Variants in EHBP1 observed in about 807,000 individuals in gnomAD.
EHBP1 encodes EH domain binding protein 1.
A neutral mutation model predicts 144.0 loss-of-function variants in EHBP1; 55 were observed. The observed-to-expected ratio is 0.38, with a 90% CI of 0.31 to 0.48. EHBP1 has a LOEUF of 0.48. Among genes scored for constraint, EHBP1 ranks in the 20% least tolerant of loss-of-function variants. The pLI, the probability that EHBP1 is intolerant of heterozygous loss-of-function variation, is 0.98. For synonymous variants in EHBP1, 469 were observed against 472.7 expected (o/e 0.99, Z 0.10); for missense variants, 1,200 against 1,364.2 (o/e 0.88, Z 1.90).
intron 14 of EHBP1, among the ~76,000 whole-genome samples, chr2:62,978,622 A>G (rs2058822727): frequency 6.6e-6 from 1 of 152,164 alleles, no homozygotes; most frequent in Non-Finnish European, 1.5e-5. Flanking sequence ...GGAGTTACCA[A>G]AAAGAATTTC....
At chr2:62,940,196 G>T in intron 10 of EHBP1, 1 of 341,398 alleles carries the variant, frequency 2.9e-6, no homozygotes, top group South Asian at 3.0e-5. Flanking sequence ...GCAGTTTATT[G>T]ACTTGCACAG....
chr2:62,725,106 C>G (rs2036626200), intron 2 of EHBP1, among the ~76,000 whole-genome samples: 1 of 152,284 alleles, frequency 6.6e-6, no homozygotes, highest in African/African-American at 2.4e-5. Flanking sequence ...CTCTGGAGGA[C>G]TTTTATCAGC....
At chr2:62,884,116 C>G (rs1457395477) in intron 10 of EHBP1, among the ~76,000 whole-genome samples, 1 of 152,194 alleles carries the variant, frequency 6.6e-6, no homozygotes, top group East Asian at 1.9e-4. Flanking sequence ...TGCACATAGA[C>G]ATATGGTCAC....
At chr2:63,026,639 C>A (rs1378683678) in intron 19 of EHBP1, among the ~76,000 whole-genome samples, 1 of 152,140 alleles carries the variant, frequency 6.6e-6, no homozygotes, top group Non-Finnish European at 1.5e-5. Context: ...CTTGCTTGGC[C>A]ATTTTCATTG....
chr2:62,716,509 A>G (rs2035692229), intron 2 of EHBP1, among the ~76,000 whole-genome samples: 1 of 152,248 alleles, frequency 6.6e-6, no homozygotes, highest in African/African-American at 2.4e-5. Flanking sequence ...TGGCTTTCCA[A>G]ATAGATTGGT....
intron 2 of EHBP1, among the ~76,000 whole-genome samples, chr2:62,746,552 A>G (rs1241912540): frequency 6.6e-6 from 1 of 152,088 alleles, no homozygotes; most frequent in Non-Finnish European, 1.5e-5. Flanking sequence ...AAGATTTTTT[A>G]AAATGAAAAT....
chr2:62,880,045 C>G (rs956845087), intron 10 of EHBP1, among the ~76,000 whole-genome samples: 2 of 152,026 alleles, frequency 1.3e-5, no homozygotes, highest in Admixed American at 1.3e-4. Context: ...TAAGAGAACT[C>G]AGAAATAAAG....
At chr2:62,726,852 C>G (rs908377479) in intron 2 of EHBP1, 2 of 151,992 alleles carry the variant, frequency 1.3e-5, no homozygotes, top group African/African-American at 2.4e-5. Context: ...TAATGTTGTT[C>G]CCCATGTGAG....
At chr2:62,869,199 G>A (rs567808191) in intron 9 of EHBP1, among the ~76,000 whole-genome samples, 1 of 152,220 alleles carries the variant, frequency 6.6e-6, no homozygotes, top group East Asian at 1.9e-4. Flanking sequence ...AACTCTCAGA[G>A]TACTTCTGAA....
intron 3 of EHBP1, among the ~76,000 whole-genome samples, chr2:62,752,538 A>G (rs905260336): frequency 2.0e-5 from 3 of 151,954 alleles, no homozygotes; most frequent in Admixed American, 6.6e-5. Flanking sequence ...TATCCTTGTT[A>G]ACTTTCTGTC....
Position 62,750,485 on chromosome 2 carries a change from A to G in EHBP1, c.162+3033A>G, listed in dbSNP as rs907150165. Among the ~76,000 whole-genome samples, 71 of 152,276 alleles carry G rather than the reference A, an allele frequency of 4.7e-4. 1 individual carries two copies. The highest frequency in any genetic ancestry group is 1.5e-3 in the African/African-American group (63 of 41,544). On this transcript the variant is annotated intron_variant, in intron 3 of 22. Coordinates refer to ENST00000431489, the MANE Select transcript of EHBP1 (RefSeq NM_001142616.3). ...AATGCAGGCTCTTTTTTGGTTCCATATGAACTTTAAAGTAGTTTTTTCCAA... is the reference window on the plus strand; with the variant it reads ...AATGCAGGCTCTTTTTTGGTTCCATGTGAACTTTAAAGTAGTTTTTTCCAA...
intron 3 of EHBP1, among the ~76,000 whole-genome samples, chr2:62,753,097 C>T (rs973868835): frequency 2.0e-5 from 3 of 152,104 alleles, no homozygotes; most frequent in East Asian, 3.9e-4. Context: ...TTCCTAGCAT[C>T]GATGGTCTTT....
At chr2:62,820,123 A>C (rs1344699091) in intron 5 of EHBP1, among the ~76,000 whole-genome samples, 3 of 151,804 alleles carry the variant, frequency 2.0e-5, no homozygotes, top group East Asian at 3.9e-4. Flanking sequence ...AGGCAGGGGA[A>C]TCACTTGAGC....
chr2:63,043,429 T>C (rs1214564816), intron 21 of EHBP1, among the ~76,000 whole-genome samples: 2 of 152,224 alleles, frequency 1.3e-5, no homozygotes, highest in Admixed American at 1.3e-4. Flanking sequence ...ATTTGTGTGG[T>C]TTTATATCGA....
rs71410971 is a variant in EHBP1, at chr2:62,889,047, C to CTTTTTTTTTTTT, written c.1185+14538_1185+14549dup. Among the ~76,000 whole-genome samples, 8 of 39,678 alleles carry CTTTTTTTTTTTT rather than the reference C, an allele frequency of 2.0e-4. 1 individual carries two copies. Among genetic ancestry groups the CTTTTTTTTTTTT allele is most frequent in the Non-Finnish European group, 2.6e-4 (6 of 23,100 alleles). 26.0% of individuals were successfully genotyped at this position (39,678 alleles called of 152,430 possible). A position where few individuals can be genotyped will look rare whatever the true frequency, so the allele number is the denominator to read the frequency against. ...TCATAAATTTTGGCAGTAGGTACCT[C>CTTTTTTTTTTTT]TTTTTTTTTTTTTTTTTTTTTTTTT... On this transcript the variant is annotated intron_variant, in intron 10 of 22. Transcript: ENST00000431489.
In EHBP1 at chr2:62,878,262, C is replaced by T. The variant is rs190085317; in HGVS notation, c.1185+3730C>T. ...GAAACACAACCTCCCAAGACTGAAC[C>T]AGGAAGAAATTGAAACCCTGAACAG... On this transcript the variant is annotated intron_variant, in intron 10 of 22. Transcript: ENST00000431489. Among the ~76,000 whole-genome samples, 301 of 152,128 alleles carry T rather than the reference C, an allele frequency of 2.0e-3. 3 individuals are homozygous for T. The highest frequency in any genetic ancestry group is 6.3e-3 in the African/African-American group (262 of 41,518).
chr2:62,895,835 T>G (rs78366362), intron 10 of EHBP1, among the ~76,000 whole-genome samples: 2,543 of 152,170 alleles, frequency 0.017, 144 homozygotes, highest in East Asian at 0.15. Context: ...AAAAGAAGAA[T>G]AAGAGTCAAG....
At chr2:62,694,502 C>CA (rs71410958) in intron 1 of EHBP1, among the ~76,000 whole-genome samples, 16,879 of 120,654 alleles carry the variant, frequency 0.14, 1,168 homozygotes, top group East Asian at 0.25. Context: ...CCTCCCATGA[C>CA]AAAAAAAAAA....
At chr2:63,040,216 T>G (rs982553836) in intron 21 of EHBP1, among the ~76,000 whole-genome samples, 5 of 151,206 alleles carry the variant, frequency 3.3e-5, no homozygotes, top group African/African-American at 1.2e-4. Context: ...TCATACAGTT[T>G]ATTATTTATA....
Sources: allele counts gnomAD v4.1 joint callset (sites outside exome capture counted in the v4.1 genomes callset), GRCh38; gene constraint gnomAD v4.1.1; transcripts MANE v1.5; gene names NCBI Gene and HGNC (gene_info 2026-07-23, HGNC 2026-07-21).